CPPED1: variants seen among roughly 807,000 people sequenced by gnomAD.
CPPED1 encodes the protein calcineurin like phosphoesterase domain containing 1.
CPPED1 carries 28 observed loss-of-function variants against 28.0 expected under a neutral mutation model. The ratio of observed to expected loss-of-function variants is 1.00; its 90% confidence interval spans 0.74 to 1.37. The LOEUF is 1.37. CPPED1 is among the 40% of genes most tolerant of loss of function. The pLI is 0.00. For missense variants in CPPED1, 504 were observed against 416.5 expected, an observed-to-expected ratio of 1.21 and a Z score of -1.83; for synonymous variants, 198 against 180.2, an observed-to-expected ratio of 1.10 and a Z score of -0.79.
chr16:12,732,471 CACAA>C (rs1184647465), intron 2 of CPPED1, among the ~76,000 whole-genome samples: 1 of 122,648 alleles, frequency 8.2e-6, no homozygotes, highest in Non-Finnish European at 1.7e-5. Context: ...CACACAAACA[CACAA>C]ACACACACAC....
Position 12,670,304 on chromosome 16 carries a change from A to C in CPPED1, c.716-5189T>G, listed in dbSNP as rs934291791. On this transcript the variant is annotated intron_variant, in intron 3 of 3. Coordinates refer to ENST00000381774, the MANE Select transcript of CPPED1 (RefSeq NM_018340.3). This position sits in a 1 kb window ranked among gnomAD's most constrained non-coding sequence, Gnocchi z 4.2. Reference sequence around the variant, plus strand: ...AGAGACCTTGTCTCTAAAAACAAACAAATAAAAACTTTGCAAGACCATAAT... The same window carrying C: ...AGAGACCTTGTCTCTAAAAACAAACCAATAAAAACTTTGCAAGACCATAAT... Among the ~76,000 whole-genome samples, 5 of 152,176 alleles carry C rather than the reference A, an allele frequency of 3.3e-5. No individual in the cohort carries two copies. Among genetic ancestry groups the C allele is most frequent in the Non-Finnish European group, 5.9e-5 (4 of 68,032 alleles).
chr16:12,719,067 G>C (rs192850617), intron 2 of CPPED1, among the ~76,000 whole-genome samples: 1 of 152,208 alleles, frequency 6.6e-6, no homozygotes, highest in Admixed American at 6.5e-5. Context: ...GGGAGAATGA[G>C]AACCAAGAGA....
chr16:12,730,550 T>C (rs555311601), intron 2 of CPPED1, among the ~76,000 whole-genome samples: 3 of 152,278 alleles, frequency 2.0e-5, no homozygotes, highest in South Asian at 4.1e-4. Context: ...AGAGATCCAT[T>C]AGCAGTGGAG....
intron 2 of CPPED1, among the ~76,000 whole-genome samples, chr16:12,717,364 C>T (rs555369298): frequency 1.2e-4 from 18 of 152,226 alleles, no homozygotes; most frequent in Admixed American, 4.6e-4. Flanking sequence ...CCCAGGTTCG[C>T]GCCATTCTCC....
chr16:12,759,182 A>C (rs1394437565), intron 2 of CPPED1: 1 of 151,384 alleles, frequency 6.6e-6, no homozygotes, highest in African/African-American at 2.4e-5. Context: ...AAAAAAAAAA[A>C]AAAAGACAAA....
chr16:12,745,659 C>T (rs1039525018), intron 2 of CPPED1, among the ~76,000 whole-genome samples: 1 of 152,186 alleles, frequency 6.6e-6, no homozygotes, highest in Non-Finnish European at 1.5e-5. Context: ...ACAACAGACA[C>T]TGGGGTCCGC....
In CPPED1 at chr16:12,750,745, C is replaced by T. The variant is rs148483829; in HGVS notation, c.289+30440G>A. ...CAGTACTTTGGGAGGCTGAGGTGGG[C>T]GGATCACTTGCGGTCAGGAGTTTAA... On this transcript the variant is annotated intron_variant, in intron 2 of 3. Coordinates refer to ENST00000381774, the MANE Select transcript of CPPED1 (RefSeq NM_018340.3). Among the ~76,000 whole-genome samples the T allele has an allele frequency of 4.1e-3, 631 of 152,182 alleles. 4 individuals are homozygous for T. The highest frequency in any genetic ancestry group is 0.02 in the Middle Eastern group (6 of 294).
chr16:12,758,387 G>A (rs1000655727), intron 2 of CPPED1, among the ~76,000 whole-genome samples: 9 of 152,246 alleles, frequency 5.9e-5, no homozygotes, highest in Admixed American at 3.9e-4. Flanking sequence ...TGTTTTGAGC[G>A]CCTATGATGT....
intron 2 of CPPED1, among the ~76,000 whole-genome samples, chr16:12,711,337 G>A (rs1336611584): frequency 6.6e-6 from 1 of 152,190 alleles, no homozygotes; most frequent in Non-Finnish European, 1.5e-5. Context: ...AGGAGGGAAG[G>A]ATGGTGAGTT....
chr16:12,664,221 C>A lies in CPPED1; in HGVS notation c.*665G>T. On this transcript the variant is annotated 3_prime_UTR_variant, in exon 4 of 4. Transcript: ENST00000381774. This position sits in a 1 kb window ranked among gnomAD's most constrained non-coding sequence, Gnocchi z 4.2. The stretch of plus-strand genomic sequence containing the variant: ...CTTGGAGGAGATTTTCAGAAATGGC[C>A]AATTTATGTGCAAAGGTGACTTTTC... The A allele has an allele frequency of 3.5e-6, 1 of 287,486 alleles. No individual in the cohort carries two copies. The highest frequency in any genetic ancestry group is 5.2e-6 in the Non-Finnish European group (1 of 191,646). 17.8% of individuals were successfully genotyped at this position (287,486 alleles called of 1,614,324 possible). A position where few individuals can be genotyped will look rare whatever the true frequency, so the allele number is the denominator to read the frequency against.
At chr16:12,742,386 C>T (rs1050490020) in intron 2 of CPPED1, among the ~76,000 whole-genome samples, 3 of 152,146 alleles carry the variant, frequency 2.0e-5, no homozygotes, top group African/African-American at 7.2e-5. Flanking sequence ...AAATTCCTAA[C>T]TAAACATATT....
chr16:12,774,536 T>A (rs2080486828), intron 2 of CPPED1, among the ~76,000 whole-genome samples: 2 of 152,340 alleles, frequency 1.3e-5, no homozygotes, highest in Non-Finnish European at 2.9e-5. Flanking sequence ...AAATCTCTTT[T>A]ATTAACTGAC....
chr16:12,699,420 G>C (rs556792642), intron 3 of CPPED1, among the ~76,000 whole-genome samples: 1 of 151,852 alleles, frequency 6.6e-6, no homozygotes, highest in South Asian at 2.1e-4. Context: ...GGCAGGCTTC[G>C]ATTCACACAG....
At chr16:12,774,235 G>A (rs574356349) in intron 2 of CPPED1, among the ~76,000 whole-genome samples, 4 of 152,214 alleles carry the variant, frequency 2.6e-5, no homozygotes, top group Non-Finnish European at 4.4e-5. Context: ...ACTTTGGGAG[G>A]CGAGGAGGGC....
intron 3 of CPPED1, among the ~76,000 whole-genome samples, chr16:12,681,784 C>T (rs544705912): frequency 5.3e-4 from 80 of 152,252 alleles, no homozygotes; most frequent in Admixed American, 3.5e-3. Context: ...CCCACATTCC[C>T]GTTCATAAAA....
chr16:12,785,811 G>T (rs1037746598), intron 1 of CPPED1, among the ~76,000 whole-genome samples: 5 of 152,010 alleles, frequency 3.3e-5, no homozygotes. Context: ...ACAGTCCCCA[G>T]GCACAGTCCA....
At chr16:12,719,219 G>A (rs12149028) in intron 2 of CPPED1, among the ~76,000 whole-genome samples, 78,270 of 151,718 alleles carry the variant, frequency 0.52, 20,573 homozygotes, top group Admixed American at 0.61. Flanking sequence ...GTGAAACCCC[G>A]ACTCTACTAA....
intron 1 of CPPED1, among the ~76,000 whole-genome samples, chr16:12,787,405 CTTTTTT>C (rs57802112): frequency 0.022 from 3,092 of 140,870 alleles, 93 homozygotes; most frequent in East Asian, 0.13. Flanking sequence ...ATTTTTCTTT[CTTTTTT>C]TTTTTTTTTT....
At chr16:12,781,010 T>C in intron 2 of CPPED1, 175 bp downstream of exon 2, 3 of 606,276 alleles carry the variant, frequency 4.9e-6, no homozygotes, top group South Asian at 2.0e-5. Context: ...AAACTCTAAA[T>C]ATAACATGAG....
Sources: allele counts gnomAD v4.1 joint callset (sites outside exome capture counted in the v4.1 genomes callset), GRCh38; gene constraint gnomAD v4.1.1; non-coding constraint Gnocchi (gnomAD v3.1); transcripts MANE v1.5; gene names NCBI Gene and HGNC (gene_info 2026-07-23, HGNC 2026-07-21).